PPP1R12A: variants seen among roughly 807,000 people sequenced by gnomAD.
PPP1R12A encodes myosin binding subunit.
PPP1R12A carries 19 observed loss-of-function variants against 139.6 expected under a neutral mutation model. That is an observed-to-expected ratio of 0.14 (90% CI 0.09 to 0.20). PPP1R12A has a LOEUF of 0.20. PPP1R12A is among the 10% of genes least tolerant of loss of function. The probability of loss-of-function intolerance (pLI) is 1.00; values close to 1 mark genes in which losing one functional copy is unlikely to be tolerated. For synonymous variants in PPP1R12A, 427 were observed against 420.6 expected (o/e 1.02, Z -0.19); for missense variants, 925 against 1,211.5 (o/e 0.76, Z 3.51).
chr12:79,820,134 T>C (rs1246149567), intron 8 of PPP1R12A, among the ~76,000 whole-genome samples: 1 of 152,000 alleles, frequency 6.6e-6, no homozygotes, highest in Non-Finnish European at 1.5e-5. Flanking sequence ...AAAAAACTCA[T>C]GACAGTGATT....
intron 3 of PPP1R12A, among the ~76,000 whole-genome samples, chr12:79,842,308 C>T (rs904576893): frequency 3.9e-5 from 6 of 151,996 alleles, no homozygotes; most frequent in African/African-American, 7.2e-5. Context: ...TCAAAACAAA[C>T]GAAAACAAAA....
chr12:79,813,228 C>T (rs1175618890), intron 9 of PPP1R12A, among the ~76,000 whole-genome samples: 4 of 152,084 alleles, frequency 2.6e-5, no homozygotes, highest in South Asian at 2.1e-4. Flanking sequence ...ATTTTTCCTG[C>T]GAAAGTATTC....
chr12:79,810,121 G>T, intron 9 of PPP1R12A, 111 bp from the exon 10 acceptor site: 1 of 903,474 alleles, frequency 1.1e-6, no homozygotes, highest in Non-Finnish European at 1.6e-6. Flanking sequence ...ATGGTTTACA[G>T]TTTCAGGATA....
chr12:79,807,476 AT>A, intron 11 of PPP1R12A, 146 bp from the exon 12 acceptor site: 1 of 539,890 alleles, frequency 1.9e-6, no homozygotes. Flanking sequence ...AGATAAAGTA[AT>A]TTCAGTACTA....
intron 2 of PPP1R12A, among the ~76,000 whole-genome samples, chr12:79,864,729 G>T (rs933037806): frequency 6.6e-6 from 1 of 152,080 alleles, no homozygotes. Flanking sequence ...TAGAAGAAAT[G>T]GATAAATTCC....
chr12:79,896,989 T>C (rs1433980769), intron 1 of PPP1R12A, among the ~76,000 whole-genome samples: 1 of 152,182 alleles, frequency 6.6e-6, no homozygotes, highest in Non-Finnish European at 1.5e-5. Context: ...CAAGAAGGCT[T>C]CCTAAAGACT....
At chr12:79,867,688 T>C (rs921077669) in intron 2 of PPP1R12A, among the ~76,000 whole-genome samples, 1 of 152,148 alleles carries the variant, frequency 6.6e-6, no homozygotes, top group African/African-American at 2.4e-5. Context: ...CCAAATCTCA[T>C]CTTGAATTGT....
At chr12:79,897,954 TAGG>T (rs1483459123) in intron 1 of PPP1R12A, among the ~76,000 whole-genome samples, 1 of 152,234 alleles carries the variant, frequency 6.6e-6, no homozygotes, top group African/African-American at 2.4e-5. Context: ...CAAACAATGC[TAGG>T]AGAATTTAGA....
intron 2 of PPP1R12A, among the ~76,000 whole-genome samples, chr12:79,866,967 G>A (rs1882036424): frequency 6.6e-6 from 1 of 152,154 alleles, no homozygotes; most frequent in African/African-American, 2.4e-5. Flanking sequence ...TCTCATTACT[G>A]GGTAGATACC....
At chr12:79,843,615 T>C (rs903576130) in intron 3 of PPP1R12A, among the ~76,000 whole-genome samples, 2 of 33,702 alleles carry the variant, frequency 5.9e-5, no homozygotes, top group Admixed American at 3.7e-4. Flanking sequence ...AAAAAAAATA[T>C]AGATATAGAT....
intron 19 of PPP1R12A, among the ~76,000 whole-genome samples, chr12:79,790,978 T>A (rs544296729): frequency 6.6e-6 from 1 of 152,330 alleles, no homozygotes; most frequent in East Asian, 1.9e-4. Context: ...TGGGATTGTT[T>A]AAAGTCTATT....
chr12:79,859,041 A>C (rs1881004783), intron 2 of PPP1R12A, among the ~76,000 whole-genome samples: 1 of 152,216 alleles, frequency 6.6e-6, no homozygotes, highest in Non-Finnish European at 1.5e-5. Flanking sequence ...GGGAAAGATG[A>C]CAGTTATGCC....
At chr12:79,841,260 C>T (rs1227182192) in intron 3 of PPP1R12A, among the ~76,000 whole-genome samples, 3 of 152,050 alleles carry the variant, frequency 2.0e-5, no homozygotes, top group Non-Finnish European at 2.9e-5. Flanking sequence ...ATTTTGATAC[C>T]CCGCCTTTTC....
In PPP1R12A at chr12:79,828,450, G is replaced by A. The variant is rs1235943572; in HGVS notation, c.662C>T (p.Ala221Val). Reference protein sequence around the residue: ...YTEVLKLLIQAGYDVNIKDYD... With the variant: ...YTEVLKLLIQVGYDVNIKDYD... The stretch of plus-strand genomic sequence containing the variant: ...GTCTTTAATATTAACATCATAGCCT[G>A]CCTGTATTAAAAGTCTAAAGAAATT... The change falls in exon 5 of 25, where the codon GCA (alanine) becomes GTA (valine). Residue 221 changes from alanine (A) to valine (V), a missense_variant. Ala to Val is a moderately conservative substitution (Grantham distance 64). Coordinates refer to ENST00000450142, the MANE Select transcript of PPP1R12A (RefSeq NM_002480.3). 4.4e-6 allele frequency: 7 copies of A among 1,600,314 alleles called. No homozygotes were observed. Among genetic ancestry groups the A allele is most frequent in the Non-Finnish European group, 6.0e-6 (7 of 1,171,254 alleles).
intron 22 of PPP1R12A, chr12:79,782,440 T>G: frequency 3.2e-6 from 1 of 316,008 alleles, no homozygotes; most frequent in Non-Finnish European, 6.2e-6. Flanking sequence ...TGTACAGCTT[T>G]CTTCTGCTGG....
At chr12:79,873,082 CCAT>C (rs1882732989) in intron 1 of PPP1R12A, 144 bp from the exon 2 acceptor site, 1 of 937,820 alleles carries the variant, frequency 1.1e-6, no homozygotes, top group East Asian at 2.7e-5. Flanking sequence ...TGACTATACT[CCAT>C]CAAACATGCT....
At chr12:79,853,191 T>G (rs967028570) in intron 2 of PPP1R12A, among the ~76,000 whole-genome samples, 1 of 152,194 alleles carries the variant, frequency 6.6e-6, no homozygotes, top group African/African-American at 2.4e-5. Context: ...AGTAGAATGG[T>G]TATTCTCAAA....
intron 1 of PPP1R12A, among the ~76,000 whole-genome samples, chr12:79,883,870 T>A (rs184203655): frequency 1.4e-4 from 21 of 152,246 alleles, no homozygotes; most frequent in African/African-American, 5.1e-4. Flanking sequence ...CAAGACACCA[T>A]CTAGTACAGA....
At chr12:79,780,598 T>C (rs1215010895) in intron 23 of PPP1R12A, 1 of 152,202 alleles carries the variant, frequency 6.6e-6, no homozygotes, top group Non-Finnish European at 1.5e-5. Context: ...ATTGTGATTG[T>C]ATTTGAAAAA....
Sources: allele counts gnomAD v4.1 joint callset (sites outside exome capture counted in the v4.1 genomes callset), GRCh38; gene constraint gnomAD v4.1.1; transcripts MANE v1.5; gene names NCBI Gene and HGNC (gene_info 2026-07-23, HGNC 2026-07-21).